SOX5: variants seen among roughly 807,000 people sequenced by gnomAD.
The protein encoded by SOX5 is transcription factor SOX-5.
SOX5 carries 9 observed loss-of-function variants against 92.0 expected under a neutral mutation model. The observed-to-expected ratio is 0.10, with a 90% CI of 0.06 to 0.17. The LOEUF (loss-of-function observed/expected upper bound fraction) is 0.17, where lower values mean the gene tolerates loss of function less well. SOX5 is among the 10% of genes least tolerant of loss of function. The pLI, the probability that SOX5 is intolerant of heterozygous loss-of-function variation, is 1.00. For missense variants in SOX5, 642 were observed against 944.5 expected (o/e 0.68, Z 4.20); for synonymous variants, 344 against 336.3 (o/e 1.02, Z -0.25).
In SOX5 at chr12:24,520,127, C is replaced by A. The variant is rs372569511; in HGVS notation, c.-251+42202G>T. On this transcript the variant is annotated intron_variant, in intron 1 of 4. Coordinates refer to the SOX5 transcript ENST00000446891. ...GCAGAGATAAAAAGACTTTCCCAGACAAACAAACACTTTTGAAGTTTTTCA... is the reference window on the plus strand; with the variant it reads ...GCAGAGATAAAAAGACTTTCCCAGAAAAACAAACACTTTTGAAGTTTTTCA... 7.2e-5 allele frequency among the ~76,000 whole-genome samples: 11 copies of A among 151,764 alleles called. No individual in the cohort carries two copies. The East Asian group carries it at 1.9e-3, about 27-fold the overall frequency.
chr12:23,596,282 T>C (rs907443066), intron 9 of SOX5, among the ~76,000 whole-genome samples: 1 of 152,244 alleles, frequency 6.6e-6, no homozygotes. Context: ...TTAGTATTCT[T>C]TATTTTCTCT....
intron 1 of SOX5, among the ~76,000 whole-genome samples, chr12:24,531,008 T>C (rs565776106): frequency 6.6e-6 from 1 of 152,312 alleles, no homozygotes; most frequent in East Asian, 1.9e-4. Context: ...AATTTATGAC[T>C]ATATAAGTTA....
intron 1 of SOX5, among the ~76,000 whole-genome samples, chr12:24,467,092 C>T (rs780787755): frequency 6.6e-6 from 1 of 152,216 alleles, no homozygotes; most frequent in Admixed American, 6.5e-5. Context: ...GGCCTTCACT[C>T]TCTACTGAAG....
chr12:24,060,599 C>A (rs745684648), intron 4 of SOX5, among the ~76,000 whole-genome samples: 50 of 152,158 alleles, frequency 3.3e-4, no homozygotes, highest in Non-Finnish European at 6.0e-4. Context: ...CTACGGGAAA[C>A]AACTAGACCT....
chr12:23,652,543 C>G lies in SOX5; in HGVS notation c.932-11646G>C, dbSNP rs1010536103. ...TTTTTTTTTTTTTTTGAGCAATTCT[C>G]CCTAGCTGTCCCACAATAAGCTCCA... On this transcript the variant is annotated intron_variant, in intron 7 of 14. Coordinates refer to ENST00000451604, the MANE Select transcript of SOX5 (RefSeq NM_006940.6). Among the ~76,000 whole-genome samples, 25 of 137,946 alleles carry G rather than the reference C, an allele frequency of 1.8e-4. 1 individual carries two copies. Among genetic ancestry groups the G allele is most frequent in the African/African-American group, 7.5e-4 (25 of 33,426 alleles). 90.5% of individuals were successfully genotyped at this position (137,946 alleles called of 152,430 possible). A position where few individuals can be genotyped will look rare whatever the true frequency, so the allele number is the denominator to read the frequency against.
At chr12:24,294,817 C>T (rs537018327) in intron 2 of SOX5, among the ~76,000 whole-genome samples, 2 of 152,302 alleles carry the variant, frequency 1.3e-5, no homozygotes, top group East Asian at 3.9e-4. Flanking sequence ...CGACAGTGGC[C>T]AAGTTAGGAA....
chr12:24,528,704 A>G (rs748273662), intron 1 of SOX5, among the ~76,000 whole-genome samples: 1 of 152,202 alleles, frequency 6.6e-6, no homozygotes, highest in African/African-American at 2.4e-5. Context: ...CAGTTCTCTT[A>G]CTTATCTATG....
intron 4 of SOX5, among the ~76,000 whole-genome samples, chr12:24,031,162 A>C (rs1412207311): frequency 6.6e-6 from 1 of 151,482 alleles, no homozygotes; most frequent in Non-Finnish European, 1.5e-5. Context: ...AAAATTAAAA[A>C]TAGAACTACC....
intron 1 of SOX5, among the ~76,000 whole-genome samples, chr12:24,457,410 T>C (rs1206282679): frequency 6.6e-6 from 1 of 152,202 alleles, no homozygotes; most frequent in African/African-American, 2.4e-5. Flanking sequence ...TTTCCAACAA[T>C]GGTTGTTGCT....
intron 3 of SOX5, among the ~76,000 whole-genome samples, chr12:23,825,942 C>A (rs1188979751): frequency 6.6e-6 from 1 of 152,076 alleles, no homozygotes; most frequent in African/African-American, 2.4e-5. Context: ...TTTATTAACT[C>A]CTAATTGTAA....
chr12:23,948,585 C>T (rs1229211693), intron 1 of SOX5, among the ~76,000 whole-genome samples: 2 of 150,980 alleles, frequency 1.3e-5, no homozygotes, highest in African/African-American at 4.9e-5. Flanking sequence ...TATCATGCAT[C>T]CTGGCTTTTT....
At chr12:24,271,816 C>T (rs573125419) in intron 3 of SOX5, among the ~76,000 whole-genome samples, 3 of 152,258 alleles carry the variant, frequency 2.0e-5, no homozygotes, top group Admixed American at 6.5e-5. Context: ...TCTCATTTGC[C>T]TACTTGTCTA....
At chr12:24,332,221 G>A (rs1390839076) in intron 2 of SOX5, among the ~76,000 whole-genome samples, 1 of 152,104 alleles carries the variant, frequency 6.6e-6, no homozygotes, top group Non-Finnish European at 1.5e-5. Context: ...TTATAAAGAG[G>A]AGGAAAAAAC....
At chr12:24,439,935 T>C (rs953745499) in intron 1 of SOX5, among the ~76,000 whole-genome samples, 1 of 152,130 alleles carries the variant, frequency 6.6e-6, no homozygotes, top group Non-Finnish European at 1.5e-5. Flanking sequence ...GCTAGACATA[T>C]TCCTCGAAGT....
At chr12:23,864,604 T>C (rs1382782065) in intron 2 of SOX5, among the ~76,000 whole-genome samples, 1 of 152,102 alleles carries the variant, frequency 6.6e-6, no homozygotes, top group Non-Finnish European at 1.5e-5. Flanking sequence ...GGAGAGAAGA[T>C]CAGAGCAGCC....
intron 1 of SOX5, among the ~76,000 whole-genome samples, chr12:23,926,468 T>G (rs930666216): frequency 1.3e-5 from 2 of 152,108 alleles, no homozygotes; most frequent in Non-Finnish European, 2.9e-5. Flanking sequence ...TTTTAATCAA[T>G]GTTCCTGTGA....
At chr12:23,986,877 G>A (rs969203011) in intron 4 of SOX5, among the ~76,000 whole-genome samples, 4 of 151,802 alleles carry the variant, frequency 2.6e-5, no homozygotes, top group Non-Finnish European at 4.4e-5. Flanking sequence ...TTCTTTTCTG[G>A]GAAAGAAAAA....
rs116478233 is a variant in SOX5 at position 23,764,516 on chromosome 12, G to A, written c.482-8792C>T. Among the ~76,000 whole-genome samples, 236 of 152,030 alleles carry A rather than the reference G, an allele frequency of 1.6e-3. 1 individual carries two copies. The highest frequency in any genetic ancestry group is 5.0e-3 in the African/African-American group (209 of 41,520). On this transcript the variant is annotated intron_variant, in intron 3 of 14. Transcript: ENST00000451604. ...TGCAGCTTAGTAAAGATGAGAGTGCGTAGTTCTGAGCAACTTATATATGCC... is the reference window on the plus strand; with the variant it reads ...TGCAGCTTAGTAAAGATGAGAGTGCATAGTTCTGAGCAACTTATATATGCC...
chr12:24,083,336 C>CAGT (rs1325239490), intron 4 of SOX5, among the ~76,000 whole-genome samples: 1 of 151,966 alleles, frequency 6.6e-6, no homozygotes, highest in Non-Finnish European at 1.5e-5. Flanking sequence ...ATCACACATA[C>CAGT]AAGATTTAAA....
Sources: allele counts gnomAD v4.1 joint callset (sites outside exome capture counted in the v4.1 genomes callset), GRCh38; gene constraint gnomAD v4.1.1; transcripts MANE v1.5; gene names NCBI Gene and HGNC (gene_info 2026-07-23, HGNC 2026-07-21).